The following THSD7A variants were observed in gnomAD, a reference collection of about 807,000 sequenced individuals.
The protein encoded by THSD7A is thrombospondin type 1 domain containing 7A, also known as thrombospondin type-1 domain-containing protein 7A.
In THSD7A, 96 loss-of-function variants were observed where a neutral mutation model predicts 231.3. The ratio of observed to expected loss-of-function variants is 0.41; its 90% CI spans 0.35 to 0.49. The LOEUF is 0.49. THSD7A is among the 20% of genes least tolerant of loss of function. The pLI is 0.05. For missense variants in THSD7A, 2,290 were observed against 2,070.2 expected (o/e 1.11, Z -2.06); for synonymous variants, 940 against 743.3 (o/e 1.26, Z -4.30).
At chr7:11,429,399 G>T (rs2115426086) in intron 13 of THSD7A, among the ~76,000 whole-genome samples, 1 of 152,292 alleles carries the variant, frequency 6.6e-6, no homozygotes, top group African/African-American at 2.4e-5. Flanking sequence ...GACAGCTCGT[G>T]TTTAATTGAC....
chr7:11,523,730 C>G (rs540417611), intron 6 of THSD7A, among the ~76,000 whole-genome samples: 1 of 152,106 alleles, frequency 6.6e-6, no homozygotes, highest in Admixed American at 6.6e-5. Context: ...ATTAAAAAAA[C>G]CAGAATATAC....
At chr7:11,382,470 A>G in intron 24 of THSD7A, 51 bp downstream of exon 24, 1 of 1,393,680 alleles carries the variant, frequency 7.2e-7, no homozygotes, top group Non-Finnish European at 1.0e-6. Context: ...AACCAATCAC[A>G]TGTGTGTTAC....
intron 1 of THSD7A, among the ~76,000 whole-genome samples, chr7:11,813,476 G>A (rs928255224): frequency 6.6e-6 from 1 of 152,024 alleles, no homozygotes; most frequent in African/African-American, 2.4e-5. Flanking sequence ...CACTTTCTGA[G>A]GCCAAGGCAG....
At chr7:11,421,494 A>G (rs1439138471) in intron 16 of THSD7A, among the ~76,000 whole-genome samples, 2 of 152,140 alleles carry the variant, frequency 1.3e-5, no homozygotes, top group East Asian at 3.9e-4. Context: ...TTTTCTTTAT[A>G]AATTAGTCTC....
chr7:11,535,669 A>G (rs1193395123), intron 6 of THSD7A, among the ~76,000 whole-genome samples: 1 of 152,086 alleles, frequency 6.6e-6, no homozygotes, highest in Non-Finnish European at 1.5e-5. Flanking sequence ...AATTATGGAA[A>G]AACGATTCAG....
chr7:11,697,608 T>G (rs986944915), intron 1 of THSD7A, among the ~76,000 whole-genome samples: 1 of 151,296 alleles, frequency 6.6e-6, no homozygotes, highest in Non-Finnish European at 1.5e-5. Flanking sequence ...TCTTGAGCTG[T>G]TTATTAGACT....
chr7:11,546,204 T>TGCGCACACACACACACACACACA (rs1562706169), intron 4 of THSD7A, among the ~76,000 whole-genome samples: 2 of 140,266 alleles, frequency 1.4e-5, no homozygotes, highest in East Asian at 2.3e-4. Context: ...GGGCGCGCGC[T>TGCGCACACACACACACACACACA]CACACACACA....
chr7:11,428,011 G>T (rs969247961), intron 14 of THSD7A, among the ~76,000 whole-genome samples: 6 of 152,012 alleles, frequency 3.9e-5, no homozygotes, highest in Non-Finnish European at 7.4e-5. Context: ...TAATTCCAAG[G>T]TTCTTTCTGT....
At chr7:11,824,073 T>C (rs1429732041) in intron 1 of THSD7A, among the ~76,000 whole-genome samples, 1 of 152,096 alleles carries the variant, frequency 6.6e-6, no homozygotes, top group African/African-American at 2.4e-5. Flanking sequence ...CATTTTAAAC[T>C]ATCAGTGTAA....
At chr7:11,612,516 T>C (rs1272413597) in intron 2 of THSD7A, among the ~76,000 whole-genome samples, 1 of 152,248 alleles carries the variant, frequency 6.6e-6, no homozygotes, top group Non-Finnish European at 1.5e-5. Context: ...TGAATATATA[T>C]GTGTTTCCTT....
intron 1 of THSD7A, among the ~76,000 whole-genome samples, chr7:11,764,449 C>A (rs1223965985): frequency 6.6e-6 from 1 of 151,640 alleles, no homozygotes; most frequent in Non-Finnish European, 1.5e-5. Flanking sequence ...GGCGTGGTGG[C>A]AGGCGCCTGT....
intron 1 of THSD7A, among the ~76,000 whole-genome samples, chr7:11,740,928 T>G (rs1260079167): frequency 6.6e-6 from 1 of 151,962 alleles, no homozygotes; most frequent in Non-Finnish European, 1.5e-5. Context: ...ACTGAACATG[T>G]GAATTACATA....
At chr7:11,571,519 T>C (rs952611480) in intron 4 of THSD7A, among the ~76,000 whole-genome samples, 1 of 152,226 alleles carries the variant, frequency 6.6e-6, no homozygotes, top group South Asian at 2.1e-4. Flanking sequence ...TTTTTAAAAA[T>C]TCTATTATTA....
chr7:11,419,021 G>T (rs143385812), intron 16 of THSD7A, among the ~76,000 whole-genome samples: 2 of 152,216 alleles, frequency 1.3e-5, no homozygotes, highest in African/African-American at 4.8e-5. Flanking sequence ...GAGACATGTT[G>T]CAGACAGGAC....
At chr7:11,461,769 A>C (rs1475678935) in intron 10 of THSD7A, among the ~76,000 whole-genome samples, 1 of 152,212 alleles carries the variant, frequency 6.6e-6, no homozygotes, top group East Asian at 1.9e-4. Flanking sequence ...ACATTTCCCC[A>C]AACTACTGGA....
chr7:11,592,868 T>A (rs73676038), intron 3 of THSD7A, among the ~76,000 whole-genome samples: 2,505 of 152,242 alleles, frequency 0.016, 74 homozygotes, highest in African/African-American at 0.056. Context: ...CCTTTTTTTT[T>A]ATATAAATAA....
At chr7:11,738,128 T>C (rs1314607517) in intron 1 of THSD7A, among the ~76,000 whole-genome samples, 1 of 152,030 alleles carries the variant, frequency 6.6e-6, no homozygotes, top group Non-Finnish European at 1.5e-5. Flanking sequence ...CACTTAATCA[T>C]TACACAGACT....
chr7:11,374,575 A>ATTTAT lies in THSD7A; in HGVS notation c.*1214_*1218dup, dbSNP rs1378297608. On this transcript the variant is annotated 3_prime_UTR_variant, in exon 28 of 28. Transcript: ENST00000423059. ...TAGTTACAAAGGTCATTGATACATT[A>ATTTAT]TTTATTTTCTCCATCTGCTCAAAAT... The ATTTAT allele has an allele frequency of 6.6e-6, 1 of 151,946 alleles. No individual in the cohort carries two copies. Among genetic ancestry groups the ATTTAT allele is most frequent in the Non-Finnish European group, 1.5e-5 (1 of 67,946 alleles). The allele number at this position is 151,946 out of a possible 1,614,324, so 9.4% of individuals were successfully genotyped here. A position where few individuals can be genotyped will look rare whatever the true frequency, so the allele number is the denominator to read the frequency against.
At chr7:11,575,002 A>G (rs375406523) in intron 4 of THSD7A, among the ~76,000 whole-genome samples, 13 of 152,282 alleles carry the variant, frequency 8.5e-5, no homozygotes, top group African/African-American at 3.1e-4. Context: ...TTTACTAGCT[A>G]TATTCCTTAA....
Sources: gnomAD v4.1 joint callset for allele counts (sites outside exome capture counted in the v4.1 genomes callset) on GRCh38, gnomAD v4.1.1 for gene constraint, MANE v1.5 for transcripts, NCBI Gene and HGNC (gene_info 2026-07-23, HGNC 2026-07-21) for gene names.